The following UBASH3A variants were observed in gnomAD, a reference collection of about 807,000 sequenced individuals.
UBASH3A encodes the protein ubiquitin associated and SH3 domain containing A, also known as ubiquitin-associated and SH3 domain-containing protein A.
In UBASH3A, 63 loss-of-function variants were observed where a neutral mutation model predicts 73.5. The observed-to-expected ratio is 0.86, with a 90% CI of 0.70 to 1.06. UBASH3A has a LOEUF of 1.06. UBASH3A is among the 50% of genes least tolerant of loss of function. The pLI, the probability that UBASH3A is intolerant of heterozygous loss-of-function variation, is 0.00. For missense variants in UBASH3A, 860 were observed against 859.0 expected (o/e 1.00, Z -0.02); for synonymous variants, 363 against 351.1 (o/e 1.03, Z -0.38).
chr21:42,442,426 A>C, intron 11 of UBASH3A, 26 bp from the exon 12 acceptor site: 1 of 1,608,778 alleles, frequency 6.2e-7, no homozygotes, highest in Non-Finnish European at 8.5e-7. Flanking sequence ...TGAGGATGAT[A>C]AACACTTGTA....
chr21:42,434,782 T>A (rs1480317671), intron 9 of UBASH3A, 50 bp from the exon 10 acceptor site: 18 of 1,572,764 alleles, frequency 1.1e-5, no homozygotes, highest in East Asian at 2.3e-5. Flanking sequence ...GTGGAACAAA[T>A]CTGTACTAAC....
At chr21:42,425,925 G>A (rs1319347076) in intron 7 of UBASH3A, among the ~76,000 whole-genome samples, 1 of 152,182 alleles carries the variant, frequency 6.6e-6, no homozygotes, top group Non-Finnish European at 1.5e-5. Context: ...AAAGGGGATG[G>A]TGTATTAGTC....
intron 3 of UBASH3A, 48 bp from the exon 4 acceptor site, chr21:42,412,976 C>A: frequency 1.2e-5 from 17 of 1,467,568 alleles, no homozygotes; most frequent in Non-Finnish European, 1.5e-5. Flanking sequence ...TAATAGATGA[C>A]TTCTGATGAG....
chr21:42,419,983 A>T (rs911654019), intron 7 of UBASH3A, among the ~76,000 whole-genome samples: 1 of 152,232 alleles, frequency 6.6e-6, no homozygotes, highest in East Asian at 1.9e-4. Context: ...TTTTCAATTT[A>T]TGATGGGTTT....
chr21:42,406,295 T>C lies in UBASH3A; in HGVS notation c.114-13T>C. The C allele has an allele frequency of 6.2e-7, 1 of 1,613,544 alleles. No individual in the cohort carries two copies. Among genetic ancestry groups the C allele is most frequent in the Non-Finnish European group, 8.5e-7 (1 of 1,179,432 alleles). On this transcript the variant is annotated splice_polypyrimidine_tract_variant and intron_variant, in intron 1 of 14. Coordinates refer to ENST00000319294, the MANE Select transcript of UBASH3A (RefSeq NM_018961.4). ...GGCGACGTGACTTTGTGTCTGTGTC[T>C]GCTCTTCTGCAGGCTGAAAGCGTTG...
chr21:42,438,990 C>T (rs2146596241), intron 11 of UBASH3A, among the ~76,000 whole-genome samples: 1 of 152,208 alleles, frequency 6.6e-6, no homozygotes, highest in South Asian at 2.1e-4. Context: ...ACAGGAGGAG[C>T]CGTTGGGACA....
chr21:42,429,538 G>T (rs2053494379), intron 8 of UBASH3A, among the ~76,000 whole-genome samples: 2 of 152,180 alleles, frequency 1.3e-5, no homozygotes, highest in South Asian at 4.1e-4. Context: ...GAAAACTTCA[G>T]GGACTTTGTT....
intron 5 of UBASH3A, among the ~76,000 whole-genome samples, chr21:42,416,110 G>A (rs765698224): frequency 2.0e-5 from 3 of 152,102 alleles, no homozygotes; most frequent in Non-Finnish European, 4.4e-5. Context: ...TGGAGCTCGG[G>A]CCTGCAAGTC....
At chr21:42,429,035 AC>A (rs1012463957) in intron 8 of UBASH3A, among the ~76,000 whole-genome samples, 5 of 152,122 alleles carry the variant, frequency 3.3e-5, no homozygotes, top group African/African-American at 1.2e-4. Context: ...AGGGCCCTAA[AC>A]CCCATCACAA....
chr21:42,406,680 AT>A (rs2052984127), intron 2 of UBASH3A, among the ~76,000 whole-genome samples: 1 of 152,190 alleles, frequency 6.6e-6, no homozygotes, highest in Non-Finnish European at 1.5e-5. Flanking sequence ...GGAAGACATG[AT>A]TGTTGTGTTG....
chr21:42,447,513 A>T lies in UBASH3A; in HGVS notation c.*319A>T. 1 of 251,330 alleles carries T rather than the reference A, an allele frequency of 4.0e-6. No homozygotes were observed. The highest frequency in any genetic ancestry group is 7.6e-6 in the Non-Finnish European group (1 of 132,448). 15.6% of individuals were successfully genotyped at this position (251,330 alleles called of 1,614,324 possible). Reference sequence around the variant, plus strand: ...CGGGACTCTAACTTCCAGGAATTAAAGACTCACCACACACGAAGGATCTAA... The same window carrying T: ...CGGGACTCTAACTTCCAGGAATTAATGACTCACCACACACGAAGGATCTAA... On this transcript the variant is annotated 3_prime_UTR_variant, in exon 15 of 15. Coordinates refer to ENST00000319294, the MANE Select transcript of UBASH3A (RefSeq NM_018961.4).
intron 10 of UBASH3A, 163 bp downstream of exon 10, chr21:42,435,117 G>T (rs977366342): frequency 5.0e-6 from 4 of 806,670 alleles, no homozygotes; most frequent in Non-Finnish European, 7.6e-6. Flanking sequence ...TAAGCAACTT[G>T]CCCAAGGTCA....
At chr21:42,421,546 G>A (rs1480290908) in intron 7 of UBASH3A, among the ~76,000 whole-genome samples, 2 of 152,176 alleles carry the variant, frequency 1.3e-5, no homozygotes, top group African/African-American at 4.8e-5. Context: ...AGATGTATCA[G>A]CATCTACTCA....
At chr21:42,415,277 C>T (rs1258473168) in intron 5 of UBASH3A, among the ~76,000 whole-genome samples, 2 of 152,116 alleles carry the variant, frequency 1.3e-5, no homozygotes, top group African/African-American at 2.4e-5. Context: ...CATGGCAAGG[C>T]GGTCCTCCCC....
intron 12 of UBASH3A, chr21:42,443,006 G>A: frequency 1.4e-6 from 1 of 727,468 alleles, no homozygotes; most frequent in Non-Finnish European, 1.9e-6. Context: ...AGACCTCATT[G>A]AGAAGAAGGT....
At chr21:42,434,771 T>G in intron 9 of UBASH3A, 61 bp from the exon 10 acceptor site, 1 of 1,551,126 alleles carries the variant, frequency 6.4e-7, no homozygotes, top group Non-Finnish European at 8.7e-7. Flanking sequence ...TTGGGAGTTT[T>G]GTGGAACAAA....
chr21:42,425,475 G>T (rs1418237489), intron 7 of UBASH3A, among the ~76,000 whole-genome samples: 3 of 152,206 alleles, frequency 2.0e-5, no homozygotes, highest in Non-Finnish European at 4.4e-5. Context: ...GCTATGAATT[G>T]TGCCTCACTG....
intron 7 of UBASH3A, among the ~76,000 whole-genome samples, chr21:42,425,073 G>A (rs1026291090): frequency 2.0e-5 from 3 of 152,184 alleles, no homozygotes; most frequent in Non-Finnish European, 4.4e-5. Context: ...CTTTGTTATG[G>A]CCGCCCCAGG....
At chr21:42,445,540 G>T (rs2053829687) in intron 14 of UBASH3A, among the ~76,000 whole-genome samples, 1 of 152,216 alleles carries the variant, frequency 6.6e-6, no homozygotes, top group Non-Finnish European at 1.5e-5. Context: ...CAACTCCCGG[G>T]CCCAGCCCAG....
Sources: gnomAD v4.1 joint callset for allele counts (sites outside exome capture counted in the v4.1 genomes callset) on GRCh38, gnomAD v4.1.1 for gene constraint, MANE v1.5 for transcripts, NCBI Gene and HGNC (gene_info 2026-07-23, HGNC 2026-07-21) for gene names.